The following SP100 variants were observed in gnomAD, a reference collection of about 807,000 sequenced individuals.
SP100 encodes the protein nuclear autoantigen Sp-100.
SP100 carries 84 observed loss-of-function variants against 130.0 expected under a neutral mutation model. The observed-to-expected ratio is 0.65, with a 90% CI of 0.54 to 0.77. The LOEUF (loss-of-function observed/expected upper bound fraction) is 0.77, where lower values mean the gene tolerates loss of function less well. Ranked by LOEUF, SP100 falls within the 30% of genes least tolerant of loss-of-function variation. The pLI is 0.00. For synonymous variants in SP100, 331 were observed against 351.7 expected (o/e 0.94, Z 0.66); for missense variants, 978 against 1,052.2 (o/e 0.93, Z 0.97).
At chr2:230,537,861 A>G (rs1692008350) in intron 24 of SP100, 1 of 152,222 alleles carries the variant, frequency 6.6e-6, no homozygotes, top group Non-Finnish European at 1.5e-5. Flanking sequence ...ACAATTGTGT[A>G]GGGTCCATCA....
At chr2:230,431,615 C>T (rs2063102516) in intron 2 of SP100, among the ~76,000 whole-genome samples, 1 of 152,142 alleles carries the variant, frequency 6.6e-6, no homozygotes, top group African/African-American at 2.4e-5. Flanking sequence ...TAGTGACATC[C>T]CATCCTGGAT....
intron 24 of SP100, chr2:230,538,326 C>G (rs188037893): frequency 6.6e-6 from 1 of 152,312 alleles, no homozygotes; most frequent in Admixed American, 6.5e-5. Context: ...GGCCCACTTG[C>G]AGTGTACTTT....
intron 25 of SP100, among the ~76,000 whole-genome samples, chr2:230,539,910 G>T (rs1692099815): frequency 6.6e-6 from 1 of 152,154 alleles, no homozygotes; most frequent in African/African-American, 2.4e-5. Context: ...AGATTGATAA[G>T]GTGCTCTGTG....
At chr2:230,436,943 CAT>C (rs1197814415) in intron 2 of SP100, among the ~76,000 whole-genome samples, 2 of 138,200 alleles carry the variant, frequency 1.4e-5, no homozygotes, top group African/African-American at 6.2e-5. Flanking sequence ...TACACACACG[CAT>C]ATATGTGTAT....
intron 24 of SP100, among the ~76,000 whole-genome samples, chr2:230,514,091 G>A (rs1690767475): frequency 6.7e-6 from 1 of 150,250 alleles, no homozygotes; most frequent in South Asian, 2.1e-4. Flanking sequence ...GTAACCAAAT[G>A]AACAAGTCAT....
At chr2:230,481,056 G>T (rs2065813005) in intron 17 of SP100, among the ~76,000 whole-genome samples, 1 of 151,792 alleles carries the variant, frequency 6.6e-6, no homozygotes, top group Non-Finnish European at 1.5e-5. Context: ...TGGTGGTGGT[G>T]GTGTTGGTCC....
chr2:230,508,602 G>C (rs1167442412), intron 23 of SP100: 1 of 152,084 alleles, frequency 6.6e-6, no homozygotes, highest in African/African-American at 2.4e-5. Flanking sequence ...ACAGGCATGA[G>C]CCACCATGCC....
chr2:230,518,214 C>A (rs887870886), intron 24 of SP100, among the ~76,000 whole-genome samples: 1 of 152,050 alleles, frequency 6.6e-6, no homozygotes, highest in Non-Finnish European at 1.5e-5. Context: ...TGGTTCCTTT[C>A]TTTATTGCTC....
intron 24 of SP100, among the ~76,000 whole-genome samples, chr2:230,531,536 T>C (rs1452777118): frequency 1.3e-5 from 2 of 151,970 alleles, no homozygotes; most frequent in Admixed American, 6.6e-5. Flanking sequence ...ATTTAAAGTA[T>C]ATTTAAAAAA....
At chr2:230,490,818 A>T (rs996902946) in intron 17 of SP100, among the ~76,000 whole-genome samples, 2 of 152,024 alleles carry the variant, frequency 1.3e-5, no homozygotes, top group African/African-American at 4.8e-5. Flanking sequence ...TTGGCACCCA[A>T]TCTCTTCTGG....
At position 230,470,094 on chromosome 2, in the gene SP100, G is replaced by A; in HGVS notation, c.1425G>A (p.Gly475=). The A allele has an allele frequency of 6.2e-7, 1 of 1,606,280 alleles. No homozygotes were observed. The highest frequency in any genetic ancestry group is 1.3e-5 in the African/African-American group (1 of 74,754). The change falls in exon 15 of 29, where the codon GGG becomes GGA. Residue 475 remains glycine, a synonymous_variant. Coordinates refer to ENST00000340126, the MANE Select transcript of SP100 (RefSeq NM_001080391.2). ...QETCSSSLRR[G]SGSQPQEPEN... The stretch of plus-strand genomic sequence containing the variant: ...CCTGCAGCTCATCCCTAAGAAGAGG[G>A]TCAGGTAAAGAAGATTAGGATGCCA...
rs2065437544 is a variant in SP100, at chr2:230,474,527, TTC to T, written c.1600+82_1600+83del. On this transcript the variant is annotated intron_variant, in intron 17 of 28. Coordinates refer to ENST00000340126, the MANE Select transcript of SP100 (RefSeq NM_001080391.2). ...AATGCTAAGGTTTATTATCATCATT[TTC>T]TTTTTTCAACTTTTATTATAGATTA... The T allele has an allele frequency of 4.0e-6, 3 of 748,926 alleles. No homozygotes were observed. In the South Asian group the frequency reaches 5.0e-5, roughly 13 times the overall value. The allele number at this position is 748,926 out of a possible 1,614,324, so 46.4% of individuals were successfully genotyped here.
chr2:230,506,032 A>T (rs1192914737), intron 21 of SP100, among the ~76,000 whole-genome samples: 1 of 151,686 alleles, frequency 6.6e-6, no homozygotes, highest in Non-Finnish European at 1.5e-5. Flanking sequence ...CCACCTTTGG[A>T]ATATAGCAAA....
At chr2:230,463,055 T>C (rs1430577052) in intron 10 of SP100, among the ~76,000 whole-genome samples, 1 of 152,198 alleles carries the variant, frequency 6.6e-6, no homozygotes. Flanking sequence ...TCATGGCACA[T>C]TTAGTGATTT....
intron 2 of SP100, among the ~76,000 whole-genome samples, chr2:230,425,078 A>G (rs1236704017): frequency 1.3e-5 from 2 of 152,230 alleles, no homozygotes; most frequent in Non-Finnish European, 2.9e-5. Context: ...ATATGTTTAT[A>G]TTGTGAAATG....
chr2:230,446,782 A>C, intron 4 of SP100, 37 bp from the exon 5 acceptor site: 3 of 1,290,090 alleles, frequency 2.3e-6, no homozygotes, highest in Non-Finnish European at 3.4e-6. Flanking sequence ...TGGTCCCTGT[A>C]GATCTCTAAT....
chr2:230,476,948 C>A (rs756555421), intron 17 of SP100, among the ~76,000 whole-genome samples: 23 of 150,938 alleles, frequency 1.5e-4, no homozygotes, highest in Non-Finnish European at 3.0e-4. Context: ...TTACTGCAAG[C>A]TCTGCCTCCC....
chr2:230,524,959 G>T (rs1233404793), intron 24 of SP100, among the ~76,000 whole-genome samples: 4 of 152,154 alleles, frequency 2.6e-5, no homozygotes, highest in Non-Finnish European at 5.9e-5. Context: ...TTATCTGAAG[G>T]TTACTTCAAA....
chr2:230,497,009 C>T (rs1411170151), intron 18 of SP100, among the ~76,000 whole-genome samples: 5 of 152,142 alleles, frequency 3.3e-5, no homozygotes, highest in Non-Finnish European at 5.9e-5. Flanking sequence ...GCCTTAAGGA[C>T]GGAGGAGCAC....
Sources: gnomAD v4.1 joint callset for allele counts (sites outside exome capture counted in the v4.1 genomes callset) on GRCh38, gnomAD v4.1.1 for gene constraint, MANE v1.5 for transcripts, NCBI Gene and HGNC (gene_info 2026-07-23, HGNC 2026-07-21) for gene names.